Variants in ZMAT4 observed in about 807,000 individuals in gnomAD.
ZMAT4 encodes zinc finger matrin-type protein 4.
Under a neutral mutation model 28.7 loss-of-function variants are expected in ZMAT4, and 17 were observed. That is an observed-to-expected ratio of 0.59 (90% CI 0.41 to 0.89). The LOEUF is 0.89. Among genes scored for constraint, ZMAT4 ranks in the 40% least tolerant of loss-of-function variants. The pLI is 0.00. For missense variants in ZMAT4, 240 were observed against 283.8 expected (o/e 0.85, Z 1.11); for synonymous variants, 117 against 109.2 (o/e 1.07, Z -0.44).
At chr8:40,589,998 T>TTCCTTCCTTCCC (rs1563354255) in intron 5 of ZMAT4, among the ~76,000 whole-genome samples, 1 of 115,676 alleles carries the variant, frequency 8.6e-6, no homozygotes, top group Non-Finnish European at 1.7e-5. Flanking sequence ...CCTTCCTTCC[T>TTCCTTCCTTCCC]TCCTTCCTTC....
At chr8:40,836,486 G>A (rs1474673896) in intron 1 of ZMAT4, among the ~76,000 whole-genome samples, 1 of 152,152 alleles carries the variant, frequency 6.6e-6, no homozygotes, top group Non-Finnish European at 1.5e-5. Flanking sequence ...AAATAGCAAA[G>A]CCTGTAATCA....
chr8:40,729,685 C>T (rs915183436), intron 3 of ZMAT4, among the ~76,000 whole-genome samples: 1 of 151,474 alleles, frequency 6.6e-6, no homozygotes, highest in Non-Finnish European at 1.5e-5. Flanking sequence ...ACCTCCACCT[C>T]CCGGGTTCAA....
Position 40,859,702 on chromosome 8 carries a change from C to T in ZMAT4, c.-4-34022G>A, listed in dbSNP as rs552492856. Among the ~76,000 whole-genome samples, 3 of 152,038 alleles carry T rather than the reference C, an allele frequency of 2.0e-5. No individual in the cohort carries two copies. In the East Asian group the frequency reaches 5.8e-4, roughly 29 times the overall value. On this transcript the variant is annotated intron_variant, in intron 1 of 6. Coordinates refer to ENST00000297737, the MANE Select transcript of ZMAT4 (RefSeq NM_024645.3). The stretch of plus-strand genomic sequence containing the variant: ...GAGAGATGCACTAATTGCCAATGGG[C>T]GGTGGAGAATGTAAATTACCCTGCA...
chr8:40,745,552 C>T (rs1439829722), intron 3 of ZMAT4, among the ~76,000 whole-genome samples: 1 of 152,086 alleles, frequency 6.6e-6, no homozygotes, highest in Non-Finnish European at 1.5e-5. Context: ...TTTACAAGGT[C>T]CTTTCCCAAG....
intron 6 of ZMAT4, among the ~76,000 whole-genome samples, chr8:40,566,959 A>G (rs1034346864): frequency 2.0e-5 from 3 of 152,176 alleles, no homozygotes; most frequent in African/African-American, 4.8e-5. Flanking sequence ...TCATCTATTT[A>G]AGGCATTTAT....
intron 4 of ZMAT4, among the ~76,000 whole-genome samples, chr8:40,682,801 G>A (rs1809235477): frequency 6.6e-6 from 1 of 152,168 alleles, no homozygotes; most frequent in African/African-American, 2.4e-5. Context: ...AGACCATTGA[G>A]TTTCATTAAT....
chr8:40,594,717 A>C (rs1169316303), intron 5 of ZMAT4, among the ~76,000 whole-genome samples: 5 of 152,200 alleles, frequency 3.3e-5, no homozygotes, highest in Admixed American at 6.5e-5. Context: ...ATTTTGTAAC[A>C]ATTTAATATT....
rs1214923772 is a variant in ZMAT4, at chr8:40,847,522, C to T, written c.-4-21842G>A. On this transcript the variant is annotated intron_variant, in intron 1 of 6. Coordinates refer to ENST00000297737, the MANE Select transcript of ZMAT4 (RefSeq NM_024645.3). ...TTCAGCCAGGTGCGCTGAGGAAGAA[C>T]AGGGAAGGGGAGGACGTGGGAAGGC... Among the ~76,000 whole-genome samples the T allele has an allele frequency of 2.0e-5, 3 of 152,146 alleles. 1 individual carries two copies. The highest frequency in any genetic ancestry group is 7.2e-5 in the African/African-American group (3 of 41,444).
chr8:40,737,362 T>C (rs1811813146), intron 3 of ZMAT4, among the ~76,000 whole-genome samples: 1 of 151,772 alleles, frequency 6.6e-6, no homozygotes, highest in African/African-American at 2.4e-5. Flanking sequence ...GAGGCAAGGA[T>C]GAGATCTCTG....
chr8:40,868,241 G>T (rs1817738464), intron 1 of ZMAT4, among the ~76,000 whole-genome samples: 1 of 152,112 alleles, frequency 6.6e-6, no homozygotes, highest in African/African-American at 2.4e-5. Flanking sequence ...AATAAAATTA[G>T]ACAAAATCAA....
chr8:40,848,053 G>A (rs1447069008), intron 1 of ZMAT4, among the ~76,000 whole-genome samples: 2 of 152,182 alleles, frequency 1.3e-5, no homozygotes, highest in East Asian at 3.9e-4. Flanking sequence ...TTATCTGCTG[G>A]AACACTAGAT....
intron 2 of ZMAT4, among the ~76,000 whole-genome samples, chr8:40,805,012 AC>A (rs1305181842): frequency 1.3e-5 from 2 of 151,696 alleles, no homozygotes; most frequent in Non-Finnish European, 2.9e-5. Flanking sequence ...TGAACAGGCA[AC>A]CTACAAAATG....
chr8:40,667,951 C>T (rs558334297), intron 5 of ZMAT4, among the ~76,000 whole-genome samples: 1 of 151,868 alleles, frequency 6.6e-6, no homozygotes, highest in African/African-American at 2.4e-5. Context: ...CTTTTGCCCT[C>T]ATATTGAAAA....
intron 2 of ZMAT4, among the ~76,000 whole-genome samples, chr8:40,789,134 A>G (rs745430998): frequency 3.3e-5 from 5 of 151,968 alleles, no homozygotes; most frequent in Non-Finnish European, 5.9e-5. Context: ...TCACATCAAC[A>G]TTGCAACTGT....
chr8:40,765,466 CTGGTTTGCTTTTATATTA>C (rs1318158221), intron 3 of ZMAT4, among the ~76,000 whole-genome samples: 1 of 152,086 alleles, frequency 6.6e-6, no homozygotes, highest in Non-Finnish European at 1.5e-5. Context: ...TTTCTGTTTA[CTGGTTTGCTTTTATATTA>C]TGCTCAATAA....
chr8:40,601,634 G>GAA (rs1475549047), intron 5 of ZMAT4, among the ~76,000 whole-genome samples: 16 of 26,784 alleles, frequency 6.0e-4, no homozygotes, highest in African/African-American at 9.7e-4. Flanking sequence ...AAGAAAGAAA[G>GAA]AGAAAGAAAG....
intron 2 of ZMAT4, among the ~76,000 whole-genome samples, chr8:40,796,639 C>T (rs559656771): frequency 1.3e-5 from 2 of 152,206 alleles, no homozygotes; most frequent in African/African-American, 4.8e-5. Context: ...AGAATGATAT[C>T]TCTTTCCCTC....
chr8:40,673,442 A>T (rs1246813903), intron 5 of ZMAT4, among the ~76,000 whole-genome samples: 1 of 152,134 alleles, frequency 6.6e-6, no homozygotes, highest in Non-Finnish European at 1.5e-5. Flanking sequence ...ACCCTGTTTA[A>T]ACTGAGGTTG....
intron 1 of ZMAT4, among the ~76,000 whole-genome samples, chr8:40,863,251 G>C (rs190312217): frequency 1.3e-5 from 2 of 151,944 alleles, no homozygotes; most frequent in Non-Finnish European, 2.9e-5. Context: ...TTGTATTACT[G>C]TTGCTACAAT....
Sources: gnomAD v4.1 joint callset for allele counts (sites outside exome capture counted in the v4.1 genomes callset) on GRCh38, gnomAD v4.1.1 for gene constraint, MANE v1.5 for transcripts, NCBI Gene and HGNC (gene_info 2026-07-23, HGNC 2026-07-21) for gene names.